Variants in CSMD1 observed in about 807,000 individuals in gnomAD.
CSMD1 encodes CUB and sushi domain-containing protein 1.
CSMD1 carries 213 observed loss-of-function variants against 417.5 expected under a neutral mutation model. That is an observed-to-expected ratio of 0.51 (90% CI 0.46 to 0.57). The LOEUF is 0.57. Among genes scored for constraint, CSMD1 ranks in the 20% least tolerant of loss-of-function variants. The pLI is 0.00. For missense variants in CSMD1, 6,923 were observed against 4,529.7 expected, an observed-to-expected ratio of 1.53 and a Z score of -15.17; for synonymous variants, 2,862 against 1,736.8, an observed-to-expected ratio of 1.65 and a Z score of -16.11.
Position 3,502,839 on chromosome 8 carries a change from C to A in CSMD1, c.1345-9113G>T, listed in dbSNP as rs893265299. Among the ~76,000 whole-genome samples, 7 of 152,034 alleles carry A rather than the reference C, an allele frequency of 4.6e-5. No homozygotes were observed. The East Asian group carries it at 1.4e-3, about 29-fold the overall frequency. On this transcript the variant is annotated intron_variant, in intron 10 of 69. Coordinates refer to ENST00000635120, the MANE Select transcript of CSMD1 (RefSeq NM_033225.6). Reference sequence around the variant, plus strand: ...AGAGTAAATAGCAGCCGGAGTGAGCCCTAACGTGCACTATGGACTTTGGTA... The same window carrying A: ...AGAGTAAATAGCAGCCGGAGTGAGCACTAACGTGCACTATGGACTTTGGTA...
chr8:2,949,341 T>C lies in CSMD1; in HGVS notation c.10360A>G (p.Ile3454Val). Residue 3454 changes from isoleucine (I) to valine (V), a missense_variant, in exon 68 of 70, where the codon ATT becomes GTT. Coordinates refer to ENST00000635120, the MANE Select transcript of CSMD1 (RefSeq NM_033225.6). ...ERGGFTFQGD[I>V]HGKDFGKFKL... The stretch of plus-strand genomic sequence containing the variant: ...AATTTTCCAAAGTCTTTTCCATGAA[T>C]GTCACCTTGAAAAGTAAATCCTCCT... 1.2e-6 allele frequency: 2 copies of C among 1,608,580 alleles called. No individual in the cohort carries two copies. The highest frequency in any genetic ancestry group is 1.7e-6 in the Non-Finnish European group (2 of 1,177,014).
intron 5 of CSMD1, among the ~76,000 whole-genome samples, chr8:3,809,543 G>A (rs1800943604): frequency 6.6e-6 from 1 of 152,252 alleles, no homozygotes; most frequent in Admixed American, 6.5e-5. Context: ...CTCAAACATT[G>A]CCATGCATCG....
chr8:4,381,759 T>C (rs142682312), intron 3 of CSMD1, among the ~76,000 whole-genome samples: 143 of 152,230 alleles, frequency 9.4e-4, no homozygotes, highest in Middle Eastern at 6.8e-3. Context: ...TTTTTTTGTT[T>C]TGTTTTTGTT....
chr8:4,711,532 A>T (rs1808296724), intron 1 of CSMD1, among the ~76,000 whole-genome samples: 1 of 152,180 alleles, frequency 6.6e-6, no homozygotes, highest in Admixed American at 6.5e-5. Flanking sequence ...TGAAAAAAAA[A>T]GTGCTATGGA....
chr8:3,439,153 C>CAAAAAAAAAAAAAAAAAAAAAAAAA (rs1563390140), intron 12 of CSMD1, among the ~76,000 whole-genome samples: 2 of 39,894 alleles, frequency 5.0e-5, no homozygotes, highest in Non-Finnish European at 8.5e-5. Flanking sequence ...AAAAAAAAAA[C>CAAAAAAAAAAAAAAAAAAAAAAAAA]CAAGAAAAAA....
intron 10 of CSMD1, among the ~76,000 whole-genome samples, chr8:3,544,747 G>A (rs762882088): frequency 2.0e-5 from 3 of 152,118 alleles, no homozygotes. Context: ...GCTGGGTGGA[G>A]ACAGGGAATG....
At chr8:4,841,925 A>AC (rs796187562) in intron 1 of CSMD1, among the ~76,000 whole-genome samples, 30 of 98,750 alleles carry the variant, frequency 3.0e-4, no homozygotes, top group African/African-American at 1.3e-3. Context: ...AAAAAAAAAA[A>AC]AAAAAAAAAA....
At chr8:3,234,400 G>T (rs550207943) in intron 26 of CSMD1, among the ~76,000 whole-genome samples, 1 of 152,234 alleles carries the variant, frequency 6.6e-6, no homozygotes, top group Non-Finnish European at 1.5e-5. Flanking sequence ...TGATTTCTGA[G>T]ACATCATTCT....
chr8:3,959,696 A>C (rs1242481200), intron 5 of CSMD1, among the ~76,000 whole-genome samples: 5 of 152,212 alleles, frequency 3.3e-5, no homozygotes, highest in African/African-American at 1.2e-4. Context: ...AAGTTTCTTT[A>C]TATGATATAC....
intron 7 of CSMD1, among the ~76,000 whole-genome samples, chr8:3,695,181 C>A (rs752398103): frequency 6.6e-6 from 1 of 151,154 alleles, no homozygotes; most frequent in Non-Finnish European, 1.5e-5. Context: ...CCAAGGACCT[C>A]GAAGACACTG....
intron 5 of CSMD1, among the ~76,000 whole-genome samples, chr8:3,787,302 C>G (rs1291007865): frequency 1.3e-5 from 2 of 152,084 alleles, no homozygotes; most frequent in Admixed American, 1.3e-4. Flanking sequence ...AAATTGATTT[C>G]ATGGATATTT....
intron 3 of CSMD1, among the ~76,000 whole-genome samples, chr8:4,332,587 AC>A (rs1799930744): frequency 6.8e-6 from 1 of 147,824 alleles, no homozygotes; most frequent in Non-Finnish European, 1.5e-5. Flanking sequence ...ACACACACAC[AC>A]ACACACACAC....
intron 3 of CSMD1, 126 bp from the exon 4 acceptor site, chr8:4,032,225 T>G: frequency 1.5e-6 from 1 of 646,422 alleles, no homozygotes; most frequent in Non-Finnish European, 2.6e-6. Context: ...CAGAAAAATA[T>G]TAATTGTTGC....
chr8:3,550,927 T>C (rs548200005), intron 10 of CSMD1, among the ~76,000 whole-genome samples: 1 of 152,168 alleles, frequency 6.6e-6, no homozygotes, highest in African/African-American at 2.4e-5. Flanking sequence ...TGCAAATGTG[T>C]CTCTGCTTTT....
At chr8:4,714,638 C>T (rs1163677174) in intron 1 of CSMD1, among the ~76,000 whole-genome samples, 2 of 36,742 alleles carry the variant, frequency 5.4e-5, no homozygotes, top group Non-Finnish European at 9.7e-5. Flanking sequence ...AAACACAGGC[C>T]CTTTCCCCAG....
chr8:4,211,102 A>G lies in CSMD1; in HGVS notation c.416-179003T>C, dbSNP rs567289210. 3.3e-5 allele frequency among the ~76,000 whole-genome samples: 5 copies of G among 152,262 alleles called. No homozygotes were observed. In the East Asian group the frequency reaches 9.6e-4, roughly 29 times the overall value. On this transcript the variant is annotated intron_variant, in intron 3 of 69. Transcript: ENST00000635120. ...TATCATTGTACATTACATTTTGGGAATTTTCTTGCTGTTATATATTCCTGA... is the reference window on the plus strand; with the variant it reads ...TATCATTGTACATTACATTTTGGGAGTTTTCTTGCTGTTATATATTCCTGA...
chr8:3,125,588 A>T (rs1299574110), intron 41 of CSMD1, among the ~76,000 whole-genome samples: 2 of 152,250 alleles, frequency 1.3e-5, no homozygotes, highest in African/African-American at 4.8e-5. Flanking sequence ...TGAAGGTCAC[A>T]ACTTCTGCAT....
chr8:4,512,512 C>A (rs1425021143), intron 2 of CSMD1, among the ~76,000 whole-genome samples: 1 of 152,116 alleles, frequency 6.6e-6, no homozygotes, highest in Non-Finnish European at 1.5e-5. Context: ...GGTGACACAA[C>A]TGTCTATGTA....
chr8:4,063,953 A>T (rs1479138762), intron 3 of CSMD1, among the ~76,000 whole-genome samples: 3 of 152,136 alleles, frequency 2.0e-5, no homozygotes, highest in African/African-American at 7.2e-5. Flanking sequence ...TAAATCATAA[A>T]ATATTAAACA....
Sources: gnomAD v4.1 joint callset for allele counts (sites outside exome capture counted in the v4.1 genomes callset) on GRCh38, gnomAD v4.1.1 for gene constraint, MANE v1.5 for transcripts, NCBI Gene and HGNC (gene_info 2026-07-23, HGNC 2026-07-21) for gene names.